SHKBP1: variants seen among roughly 807,000 people sequenced by gnomAD.
SHKBP1 encodes the protein SH3KBP1-binding protein 1.
SHKBP1 carries 71 observed loss-of-function variants against 83.9 expected under a neutral mutation model. That is an observed-to-expected ratio of 0.85 (90% CI 0.70 to 1.03). The LOEUF (loss-of-function observed/expected upper bound fraction) is 1.03. SHKBP1 is among the 50% of genes least tolerant of loss of function. SHKBP1 has a pLI of 0.00. For synonymous variants in SHKBP1, 371 were observed against 398.0 expected, an observed-to-expected ratio of 0.93 and a Z score of 0.81; for missense variants, 824 against 982.4, an observed-to-expected ratio of 0.84 and a Z score of 2.16.
intron 15 of SHKBP1, among the ~76,000 whole-genome samples, 199 bp downstream of exon 15, chr19:40,589,377 G>A (rs2081338002): frequency 1.3e-5 from 2 of 149,608 alleles, no homozygotes; most frequent in Non-Finnish European, 3.0e-5. Flanking sequence ...GACAGGTGTT[G>A]GTGGGACTGA....
Position 40,590,799 on chromosome 19 carries a change from C to T in SHKBP1, c.1838C>T (p.Ser613Leu). ...EHCELAPPAPSAPSWGCLPSP... is the reference protein window; with the variant it reads ...EHCELAPPAPLAPSWGCLPSP... ...TGTGAGCTGGCCCCGCCGGCTCCTT[C>T]AGCTCCCTCATGGGGCTGTCTCCCC... The change falls in exon 17 of 18, where the codon TCA (serine) becomes TTA (leucine). Residue 613 changes from serine (S) to leucine (L), a missense_variant. Transcript: ENST00000291842. This position sits in a 1 kb window ranked among gnomAD's most constrained non-coding sequence, Gnocchi z 4.6. 1.2e-6 allele frequency: 2 copies of T among 1,602,198 alleles called. No individual in the cohort carries two copies. The highest frequency in any genetic ancestry group is 1.7e-6 in the Non-Finnish European group (2 of 1,170,346).
At position 40,580,951 on chromosome 19, in the gene SHKBP1, C is replaced by G. The variant is rs754013666; in HGVS notation, c.844+15C>G. The G allele has an allele frequency of 6.6e-7, 1 of 1,521,818 alleles. No individual in the cohort carries two copies. Among genetic ancestry groups the G allele is most frequent in the Admixed American group, 2.2e-5 (1 of 46,096 alleles). The allele number at this position is 1,521,818 out of a possible 1,614,324, so 94.3% of individuals were successfully genotyped here. ...CTCCGAGATAGGTATGACCCCAAGC[C>G]TTTTCCAGAACCCTCTGTCCTTTAA... On this transcript the variant is annotated intron_variant, in intron 9 of 17. Transcript: ENST00000291842.
In SHKBP1 at chr19:40,576,883, C is replaced by T. The variant is rs1033339729; in HGVS notation, c.-17C>T. On this transcript the variant is annotated 5_prime_UTR_variant, in exon 1 of 18. Coordinates refer to ENST00000291842, the MANE Select transcript of SHKBP1 (RefSeq NM_138392.4). ...CACCCGGAAGTGGGTGCGGGCCAGC[C>T]GGCTCGCCCGGGGGCCATGGCAGCA... The T allele has an allele frequency of 2.8e-6, 4 of 1,437,752 alleles. No homozygotes were observed. The highest frequency in any genetic ancestry group is 3.7e-6 in the Non-Finnish European group (4 of 1,090,468). The allele number at this position is 1,437,752 out of a possible 1,614,324, so 89.1% of individuals were successfully genotyped here. A position where few individuals can be genotyped will look rare whatever the true frequency, so the allele number is the denominator to read the frequency against.
At position 40,582,468 on chromosome 19, in the gene SHKBP1, T is replaced by C; in HGVS notation, c.960+2T>C. On this transcript the variant is annotated splice_donor_variant, in intron 10 of 17. Transcript: ENST00000291842. LOFTEE classifies it high-confidence loss of function. ...AATGCCGTCACCAAGCACTGGCAGG[T>C]CAGAGTTCTGGCCAGCCTGGCTGCC... is the stretch of plus-strand genomic sequence containing the variant. 2 of 1,613,108 alleles carry C rather than the reference T, an allele frequency of 1.2e-6. No homozygotes were observed. Among genetic ancestry groups the C allele is most frequent in the Non-Finnish European group, 8.5e-7 (1 of 1,179,238 alleles).
At chr19:40,587,461 C>A (rs535875452) in intron 13 of SHKBP1, among the ~76,000 whole-genome samples, 16 of 152,180 alleles carry the variant, frequency 1.1e-4, no homozygotes, top group African/African-American at 3.6e-4. Context: ...TGTGGTGGCA[C>A]GTGCCTGTAA....
rs200493887 is a variant in SHKBP1, at chr19:40,580,355, C to T, written c.432C>T (p.Ser144=). ...CAGTGAAGCGGCGGAACCGGCACAGCCTAGTGGGGCCTCAGCAGCTAGGAG... is the reference window on the plus strand; with the variant it reads ...CAGTGAAGCGGCGGAACCGGCACAGTCTAGTGGGGCCTCAGCAGCTAGGAG... The part of the protein sequence containing the change: ...VFPVKRRNRH[S]LVGPQQLGGR... The change falls in exon 7 of 18, where the codon AGC becomes AGT. Residue 144 remains serine, a synonymous_variant. Transcript: ENST00000291842. 6.2e-7 allele frequency: 1 copy of T among 1,614,212 alleles called. No homozygotes were observed. Among genetic ancestry groups the T allele is most frequent in the Non-Finnish European group, 8.5e-7 (1 of 1,180,042 alleles).
At chr19:40,578,754 G>A (rs1243392542) in intron 6 of SHKBP1, among the ~76,000 whole-genome samples, 1 of 152,162 alleles carries the variant, frequency 6.6e-6, no homozygotes, top group Non-Finnish European at 1.5e-5. Flanking sequence ...AGGCTCAGAA[G>A]GATGTCCTGG....
At chr19:40,586,133 G>A (rs780795481) in intron 12 of SHKBP1, among the ~76,000 whole-genome samples, 9 of 152,032 alleles carry the variant, frequency 5.9e-5, no homozygotes, top group African/African-American at 9.7e-5. Context: ...GGCCTCAAAC[G>A]CCTGGCCTCA....
At chr19:40,589,216 C>T in intron 15 of SHKBP1, 38 bp downstream of exon 15, 1 of 620,116 alleles carries the variant, frequency 1.6e-6, no homozygotes, top group Non-Finnish European at 2.2e-6. Context: ...GGAGGACAGT[C>T]CTGTCCAACA....
In SHKBP1 at chr19:40,577,488, G is replaced by A. The variant is rs763398064; in HGVS notation, c.186+47G>A. 7 of 1,614,012 alleles carry A rather than the reference G, an allele frequency of 4.3e-6. No homozygotes were observed. In the South Asian group the frequency reaches 7.7e-5, roughly 18 times the overall value. On this transcript the variant is annotated intron_variant, in intron 3 of 17. Coordinates refer to ENST00000291842, the MANE Select transcript of SHKBP1 (RefSeq NM_138392.4). Reference sequence around the variant, plus strand: ...ATGGGATGGGGGGGAGGGGTTGGTAGGAAGAGGGGCAGGACCCCACTCAGT... The same window carrying A: ...ATGGGATGGGGGGGAGGGGTTGGTAAGAAGAGGGGCAGGACCCCACTCAGT...
intron 6 of SHKBP1, chr19:40,580,065 G>C (rs569926276): frequency 6.9e-6 from 2 of 288,080 alleles, no homozygotes; most frequent in East Asian, 1.2e-4. Context: ...CGGAAAATTA[G>C]GTAATACTGC....
intron 12 of SHKBP1, among the ~76,000 whole-genome samples, chr19:40,585,210 G>T (rs1357203801): frequency 2.6e-5 from 4 of 152,064 alleles, no homozygotes; most frequent in Admixed American, 6.6e-5. Context: ...GGGCTCAAGC[G>T]ATTCTTCTAC....
intron 4 of SHKBP1, 160 bp from the exon 5 acceptor site, chr19:40,577,994 C>A (rs1252488820): frequency 5.9e-6 from 4 of 682,194 alleles, no homozygotes; most frequent in Non-Finnish European, 1.1e-5. Flanking sequence ...CACACACACT[C>A]AACATTTCCT....
In SHKBP1 at chr19:40,591,168, C is replaced by A. The variant is rs1351563272; in HGVS notation, c.2085C>A (p.Leu695=). 3.8e-6 allele frequency: 6 copies of A among 1,598,090 alleles called. No homozygotes were observed. The highest frequency in any genetic ancestry group is 5.1e-6 in the Non-Finnish European group (6 of 1,167,284). ...CCTCCAGCGGTCTCGGCACTCCCCT[C>A]ACACCTCCCAAGATGAAGCTCAATG... ...PWPSSGLGTP[L]TPPKMKLNET... The change falls in exon 18 of 18, where the codon CTC becomes CTA. Residue 695 remains leucine (L), a synonymous_variant. Transcript: ENST00000291842.
chr19:40,588,821 T>C (rs541916848), intron 14 of SHKBP1, 42 bp downstream of exon 14: 5 of 1,604,034 alleles, frequency 3.1e-6, no homozygotes, highest in Non-Finnish European at 4.2e-6. Flanking sequence ...CTGACCCCCT[T>C]ACCTGACCCC....
At chr19:40,587,552 C>T (rs763307534) in intron 13 of SHKBP1, among the ~76,000 whole-genome samples, 2 of 152,130 alleles carry the variant, frequency 1.3e-5, no homozygotes, top group Non-Finnish European at 2.9e-5. Flanking sequence ...GATCATGCTA[C>T]TGCACTCCAG....
At position 40,580,712 on chromosome 19, in the gene SHKBP1, G is replaced by A. The variant is rs751461493; in HGVS notation, c.654-34G>A. 5.5e-5 allele frequency: 88 copies of A among 1,613,708 alleles called. No homozygotes were observed. The South Asian group carries it at 7.8e-4, about 14-fold the overall frequency. On this transcript the variant is annotated intron_variant, in intron 8 of 17. Transcript: ENST00000291842. ...AGCCCTGTTGATGGGAAGGGCATGCGGTGAGGGTTGGTGATGTCCCCTCGA... is the reference window on the plus strand; with the variant it reads ...AGCCCTGTTGATGGGAAGGGCATGCAGTGAGGGTTGGTGATGTCCCCTCGA...
rs2081354396 is a variant in SHKBP1 at position 40,590,947 on chromosome 19, A to T, written c.1893-29A>T. On this transcript the variant is annotated intron_variant, in intron 17 of 17. Transcript: ENST00000291842. This position sits in a 1 kb window ranked among gnomAD's most constrained non-coding sequence, Gnocchi z 4.6. ...AGAGTGGCCCAGCTGCCCCGTGATG[A>T]CGTGCACTTACTGTCCTTACTTCCT... The T allele has an allele frequency of 6.3e-7, 1 of 1,583,908 alleles. No individual in the cohort carries two copies. The highest frequency in any genetic ancestry group is 1.1e-5 in the South Asian group (1 of 88,552).
intron 13 of SHKBP1, 51 bp from the exon 14 acceptor site, chr19:40,588,573 G>T: frequency 6.2e-7 from 1 of 1,608,338 alleles, no homozygotes; most frequent in Non-Finnish European, 8.5e-7. Context: ...CGGGCAGGCA[G>T]CATTGATGCC....
Sources: gnomAD v4.1 joint callset for allele counts (sites outside exome capture counted in the v4.1 genomes callset) on GRCh38, gnomAD v4.1.1 for gene constraint, Gnocchi (gnomAD v3.1) non-coding constraint, MANE v1.5 for transcripts, NCBI Gene and HGNC (gene_info 2026-07-23, HGNC 2026-07-21) for gene names.